SLC25A15: variants seen among roughly 807,000 people sequenced by gnomAD.
The protein encoded by SLC25A15 is solute carrier family 25 member 15, also known as mitochondrial ornithine transporter 1.
In SLC25A15, 24 loss-of-function variants were observed where a neutral mutation model predicts 32.3. That is an observed-to-expected ratio of 0.74 (90% CI 0.54 to 1.04). SLC25A15 has a LOEUF of 1.04. Ranked by LOEUF, SLC25A15 falls within the 50% of genes least tolerant of loss-of-function variation. SLC25A15 has a pLI of 0.00. For synonymous variants in SLC25A15, 132 were observed against 142.1 expected (o/e 0.93, Z 0.51); for missense variants, 317 against 374.5 (o/e 0.85, Z 1.27).
chr13:40,808,736 A>G, intron 6 of SLC25A15, 140 bp downstream of exon 6: 1 of 654,566 alleles, frequency 1.5e-6, no homozygotes, highest in Non-Finnish European at 2.6e-6. Flanking sequence ...GATCGAGACC[A>G]TCCTGGCTAA....
intron 2 of SLC25A15, chr13:40,798,826 C>CT: frequency 1.0e-6 from 1 of 985,286 alleles, no homozygotes; most frequent in Non-Finnish European, 1.2e-6. Flanking sequence ...GAACACATGT[C>CT]TGTCTCTCTC....
At chr13:40,796,739 T>G (rs771048977) in intron 2 of SLC25A15, among the ~76,000 whole-genome samples, 15 of 152,242 alleles carry the variant, frequency 9.9e-5, no homozygotes, top group Non-Finnish European at 1.6e-4. Flanking sequence ...TCTCCTCACC[T>G]CTCTGCCTTC....
At chr13:40,797,109 T>C (rs1170414219) in intron 2 of SLC25A15, among the ~76,000 whole-genome samples, 2 of 152,190 alleles carry the variant, frequency 1.3e-5, no homozygotes, top group African/African-American at 4.8e-5. Flanking sequence ...TTCTCTCACT[T>C]GAGGGCACAG....
At chr13:40,792,551 C>T (rs1299060433) in intron 1 of SLC25A15, among the ~76,000 whole-genome samples, 1 of 152,156 alleles carries the variant, frequency 6.6e-6, no homozygotes, top group African/African-American at 2.4e-5. Flanking sequence ...CACGGTGTGG[C>T]GTCCCATCAG....
At chr13:40,802,849 GGTGTGA>G (rs1169086192) in intron 3 of SLC25A15, among the ~76,000 whole-genome samples, 1 of 152,104 alleles carries the variant, frequency 6.6e-6, no homozygotes, top group Non-Finnish European at 1.5e-5. Context: ...TGGGATTACA[GGTGTGA>G]GCCACCGTGC....
chr13:40,802,005 C>T (rs1298725207), intron 3 of SLC25A15: 4 of 152,208 alleles, frequency 2.6e-5, no homozygotes, highest in Non-Finnish European at 5.9e-5. Flanking sequence ...GCTTGGTGTT[C>T]ATTCAGATGT....
At chr13:40,809,522 G>T in intron 6 of SLC25A15, 21 bp from the exon 7 acceptor site, 2 of 1,611,928 alleles carry the variant, frequency 1.2e-6, no homozygotes, top group South Asian at 2.2e-5. Flanking sequence ...TGCAGTCTTT[G>T]ACCGCCCTTT....
At position 40,809,890 on chromosome 13, in the gene SLC25A15, G is replaced by A; in HGVS notation, c.*223G>A. The A allele has an allele frequency of 1.8e-6, 1 of 548,008 alleles. No homozygotes were observed. The highest frequency in any genetic ancestry group is 3.3e-6 in the Non-Finnish European group (1 of 306,168). The allele number at this position is 548,008 out of a possible 1,614,324, so 33.9% of individuals were successfully genotyped here. Reference sequence around the variant, plus strand: ...CTGAAATAGAAAAGTGACCGCTCTTGCTCTTGGTAAAATATAGAGTGGTCA... The same window carrying A: ...CTGAAATAGAAAAGTGACCGCTCTTACTCTTGGTAAAATATAGAGTGGTCA... On this transcript the variant is annotated 3_prime_UTR_variant, in exon 7 of 7. Coordinates refer to ENST00000338625, the MANE Select transcript of SLC25A15 (RefSeq NM_014252.4).
rs1365828675 is a variant in SLC25A15 at position 40,789,635 on chromosome 13, G to T, written c.-98G>T. 1.3e-5 allele frequency: 2 copies of T among 150,972 alleles called. No homozygotes were observed. The highest frequency in any genetic ancestry group is 4.8e-5 in the African/African-American group (2 of 41,322). 9.4% of individuals were successfully genotyped at this position (150,972 alleles called of 1,614,324 possible). On this transcript the variant is annotated 5_prime_UTR_variant, in exon 1 of 7. Transcript: ENST00000338625. Reference sequence around the variant, plus strand: ...GAGCCGAGAGCGGGCGGCGGAGCCTGAGCTGGACGCGGCCACGCCGGCGCG... The same window carrying T: ...GAGCCGAGAGCGGGCGGCGGAGCCTTAGCTGGACGCGGCCACGCCGGCGCG...
Position 40,797,311 on chromosome 13 carries a change from A to G in SLC25A15, c.56-1746A>G, listed in dbSNP as rs74044578. Among the ~76,000 whole-genome samples, 1,112 of 152,328 alleles carry G rather than the reference A, an allele frequency of 7.3e-3. 14 individuals carry two copies. Among genetic ancestry groups the G allele is most frequent in the African/African-American group, 0.026 (1,065 of 41,566 alleles). ...ACCTGTGATGCCTGAACTGTTCAAGATGATCAAGTTAAAATATGAATGTGC... is the reference window on the plus strand; with the variant it reads ...ACCTGTGATGCCTGAACTGTTCAAGGTGATCAAGTTAAAATATGAATGTGC... On this transcript the variant is annotated intron_variant, in intron 2 of 6. Transcript: ENST00000338625.
chr13:40,808,084 C>T (rs532048421), intron 5 of SLC25A15, among the ~76,000 whole-genome samples: 1 of 152,318 alleles, frequency 6.6e-6, no homozygotes. Context: ...TGAAAAAAGA[C>T]ATAGATTGTG....
intron 2 of SLC25A15, among the ~76,000 whole-genome samples, chr13:40,795,476 T>C (rs1881638637): frequency 6.6e-6 from 1 of 152,224 alleles, no homozygotes; most frequent in African/African-American, 2.4e-5. Flanking sequence ...CATTTGCTGG[T>C]GGGCATGTTT....
In SLC25A15 at chr13:40,811,432, T is replaced by C. The variant is rs1281947809; in HGVS notation, c.*1765T>C. Among the ~76,000 whole-genome samples, 4 of 151,754 alleles carry C rather than the reference T, an allele frequency of 2.6e-5. No homozygotes were observed. Among genetic ancestry groups the C allele is most frequent in the Non-Finnish European group, 5.9e-5 (4 of 67,958 alleles). Reference sequence around the variant, plus strand: ...TGAACCCGGGAGGCAGAGGTTGCAGTGAACTGAGATTGTGCCACTGCACTC... The same window carrying C: ...TGAACCCGGGAGGCAGAGGTTGCAGCGAACTGAGATTGTGCCACTGCACTC... On this transcript the variant is annotated 3_prime_UTR_variant, in exon 7 of 7. Coordinates refer to ENST00000338625, the MANE Select transcript of SLC25A15 (RefSeq NM_014252.4).
At chr13:40,803,672 G>A (rs1368920069) in intron 3 of SLC25A15, among the ~76,000 whole-genome samples, 1 of 152,216 alleles carries the variant, frequency 6.6e-6, no homozygotes, top group African/African-American at 2.4e-5. Context: ...TTGCAGACTT[G>A]TACTGGCTTC....
intron 3 of SLC25A15, among the ~76,000 whole-genome samples, chr13:40,800,496 A>T (rs1227542908): frequency 6.6e-6 from 1 of 152,190 alleles, no homozygotes; most frequent in Non-Finnish European, 1.5e-5. Flanking sequence ...TGAAGGAGAG[A>T]CACTCTATTA....
rs1373788913 is a variant in SLC25A15 at position 40,810,078 on chromosome 13, T to A, written c.*411T>A. 1 of 252,796 alleles carries A rather than the reference T, an allele frequency of 4.0e-6. No individual in the cohort carries two copies. Among genetic ancestry groups the A allele is most frequent in the Non-Finnish European group, 7.8e-6 (1 of 129,000 alleles). 15.7% of individuals were successfully genotyped at this position (252,796 alleles called of 1,614,324 possible). ...AGAAAAACCCAGAGGTGATCATTTCTCATGAAGATGCTTATAAATGGTTGC... is the reference window on the plus strand; with the variant it reads ...AGAAAAACCCAGAGGTGATCATTTCACATGAAGATGCTTATAAATGGTTGC... On this transcript the variant is annotated 3_prime_UTR_variant, in exon 7 of 7. Coordinates refer to ENST00000338625, the MANE Select transcript of SLC25A15 (RefSeq NM_014252.4).
intron 1 of SLC25A15, among the ~76,000 whole-genome samples, chr13:40,790,307 G>A (rs1244730422): frequency 2.0e-5 from 3 of 152,200 alleles, no homozygotes; most frequent in Non-Finnish European, 4.4e-5. Context: ...CGAGAAAAGT[G>A]GGTGGTCGGC....
chr13:40,790,107 G>A (rs760684998), intron 1 of SLC25A15, among the ~76,000 whole-genome samples: 4 of 152,196 alleles, frequency 2.6e-5, no homozygotes, highest in Non-Finnish European at 5.9e-5. Flanking sequence ...GCCGGTCCTT[G>A]GCGGCGAAAC....
chr13:40,808,796 G>A (rs1198192093), intron 6 of SLC25A15, among the ~76,000 whole-genome samples, 200 bp downstream of exon 6: 1 of 151,936 alleles, frequency 6.6e-6, no homozygotes, highest in Admixed American at 6.6e-5. Flanking sequence ...TCAGCCAGGC[G>A]TGGTGGCAGG....
Sources: allele counts gnomAD v4.1 joint callset (sites outside exome capture counted in the v4.1 genomes callset), GRCh38; gene constraint gnomAD v4.1.1; transcripts MANE v1.5; gene names NCBI Gene and HGNC (gene_info 2026-07-23, HGNC 2026-07-21).